Variants in UACA observed in about 807,000 individuals in gnomAD.
The protein encoded by UACA is nuclear membrane binding protein.
UACA carries 112 observed loss-of-function variants against 160.5 expected under a neutral mutation model. That is an observed-to-expected ratio of 0.70 (90% CI 0.60 to 0.82). UACA has a LOEUF of 0.82. UACA is among the 40% of genes least tolerant of loss of function. UACA has a pLI of 0.00. For synonymous variants in UACA, 557 were observed against 568.4 expected (o/e 0.98, Z 0.29); for missense variants, 1,574 against 1,614.6 (o/e 0.97, Z 0.43).
At chr15:70,706,285 T>A (rs189018294) in intron 1 of UACA, among the ~76,000 whole-genome samples, 141 of 151,976 alleles carry the variant, frequency 9.3e-4, no homozygotes, top group African/African-American at 3.3e-3. Context: ...CTCAACACAA[T>A]AAAGACCATA....
intron 1 of UACA, 99 bp downstream of exon 1, chr15:70,763,231 G>T: frequency 8.1e-7 from 1 of 1,234,098 alleles, no homozygotes. Flanking sequence ...CGAACTGGCA[G>T]AGGAAAAGCA....
At chr15:70,702,270 C>G in intron 1 of UACA, 1 of 1,046,190 alleles carries the variant, frequency 9.6e-7, no homozygotes, top group South Asian at 3.8e-5. Context: ...CTGCATCCTG[C>G]TGCCTCAACA....
At chr15:70,726,360 T>C (rs1188278560) in intron 1 of UACA, among the ~76,000 whole-genome samples, 1 of 152,158 alleles carries the variant, frequency 6.6e-6, no homozygotes, top group Admixed American at 6.5e-5. Context: ...AAGATGTATA[T>C]CTGAGCAGCA....
intron 15 of UACA, among the ~76,000 whole-genome samples, chr15:70,670,123 T>C (rs1211350361): frequency 6.6e-6 from 1 of 152,048 alleles, no homozygotes; most frequent in East Asian, 1.9e-4. Context: ...CTGGAGCTGG[T>C]GACAGCGGCT....
At chr15:70,704,488 ACTC>A (rs1898469114) in intron 1 of UACA, among the ~76,000 whole-genome samples, 2 of 152,082 alleles carry the variant, frequency 1.3e-5, no homozygotes, top group Admixed American at 6.6e-5. Context: ...AATCCACTGG[ACTC>A]CTCAAAAAGC....
At chr15:70,674,047 A>T (rs1897227553) in intron 13 of UACA, among the ~76,000 whole-genome samples, 1 of 152,110 alleles carries the variant, frequency 6.6e-6, no homozygotes, top group Admixed American at 6.5e-5. Context: ...TTTTTGGTAG[A>T]GACGGGATTT....
chr15:70,706,043 C>T (rs1453324601), intron 1 of UACA, among the ~76,000 whole-genome samples: 1 of 151,986 alleles, frequency 6.6e-6, no homozygotes, highest in Non-Finnish European at 1.5e-5. Context: ...GAGGGCAAAC[C>T]TAATCTAATA....
At chr15:70,721,413 C>T (rs974886813) in intron 1 of UACA, among the ~76,000 whole-genome samples, 14 of 152,148 alleles carry the variant, frequency 9.2e-5, no homozygotes, top group African/African-American at 3.4e-4. Context: ...ATCACAAGGT[C>T]AGGAGATCGA....
At position 70,674,849 on chromosome 15, in the gene UACA, T is replaced by C. The variant is rs182923005; in HGVS notation, c.1131+1644A>G. Among the ~76,000 whole-genome samples the C allele has an allele frequency of 5.6e-4, 85 of 152,320 alleles. 1 individual carries two copies. Among genetic ancestry groups the C allele is most frequent in the South Asian group, 3.5e-3 (17 of 4,826 alleles). ...CTGACCTTAAGTGATCCACCCACCTTGGCCTCCCAAAAGTGCGGGGATTAC... is the reference window on the plus strand; with the variant it reads ...CTGACCTTAAGTGATCCACCCACCTCGGCCTCCCAAAAGTGCGGGGATTAC... On this transcript the variant is annotated intron_variant, in intron 13 of 18. Transcript: ENST00000322954.
At chr15:70,680,465 G>T (rs2140929405) in intron 9 of UACA, among the ~76,000 whole-genome samples, 1 of 152,118 alleles carries the variant, frequency 6.6e-6, no homozygotes, top group Middle Eastern at 3.4e-3. Flanking sequence ...ACCTTTGCTT[G>T]ATCAAGTTTT....
At chr15:70,762,293 C>T (rs1404372977) in intron 1 of UACA, among the ~76,000 whole-genome samples, 3 of 152,122 alleles carry the variant, frequency 2.0e-5, no homozygotes, top group East Asian at 3.8e-4. Context: ...AATTAGTATT[C>T]TGATAAAAAG....
intron 1 of UACA, among the ~76,000 whole-genome samples, chr15:70,745,066 G>T (rs545623870): frequency 6.6e-6 from 1 of 152,192 alleles, no homozygotes; most frequent in East Asian, 1.9e-4. Context: ...TTTGACCTAG[G>T]AATACAACTT....
chr15:70,778,053 T>G, the UACA span, among the ~76,000 whole-genome samples: 1 of 151,974 alleles, frequency 6.6e-6, no homozygotes, highest in East Asian at 1.9e-4. Context: ...ACACAAAAAT[T>G]AGTCAGGCAT....
intron 1 of UACA, among the ~76,000 whole-genome samples, chr15:70,762,783 G>A (rs1392467930): frequency 2.6e-5 from 4 of 152,240 alleles, no homozygotes; most frequent in Non-Finnish European, 4.4e-5. Flanking sequence ...CAACGACAGC[G>A]GCCAGCACGG....
At chr15:70,752,964 T>A (rs1487744045) in intron 1 of UACA, among the ~76,000 whole-genome samples, 1 of 152,224 alleles carries the variant, frequency 6.6e-6, no homozygotes, top group East Asian at 1.9e-4. Flanking sequence ...AGTTACACTC[T>A]ACAATGAATA....
At chr15:70,722,012 A>G (rs749422170) in intron 1 of UACA, among the ~76,000 whole-genome samples, 2 of 152,224 alleles carry the variant, frequency 1.3e-5, no homozygotes, top group Non-Finnish European at 2.9e-5. Context: ...ATCTCTATTC[A>G]GTAAGTTCTC....
chr15:70,679,782 A>G lies in UACA; in HGVS notation c.823-106T>C, dbSNP rs540427146. The G allele has an allele frequency of 3.9e-5, 25 of 641,214 alleles. No homozygotes were observed. In the South Asian group the frequency reaches 4.5e-4, roughly 12 times the overall value. The allele number at this position is 641,214 out of a possible 1,614,324, so 39.7% of individuals were successfully genotyped here. A position where few individuals can be genotyped will look rare whatever the true frequency, so the allele number is the denominator to read the frequency against. On this transcript the variant is annotated intron_variant, in intron 9 of 18. Coordinates refer to ENST00000322954, the MANE Select transcript of UACA (RefSeq NM_018003.4). ...CAGTTAGTGATTTTCAGTTTATCCA[A>G]CATTAGCTGCACATAACACAAGGTG...
intron 1 of UACA, among the ~76,000 whole-genome samples, chr15:70,707,155 C>G (rs1898544583): frequency 6.6e-6 from 1 of 152,156 alleles, no homozygotes; most frequent in Admixed American, 6.5e-5. Context: ...AAATGATCTT[C>G]AACAAGGTGC....
chr15:70,659,583 G>C (rs1896628114), intron 18 of UACA, among the ~76,000 whole-genome samples: 1 of 151,186 alleles, frequency 6.6e-6, no homozygotes, highest in Non-Finnish European at 1.5e-5. Context: ...AGGAAATTAA[G>C]CATAGTATCC....
Sources: allele counts gnomAD v4.1 joint callset (sites outside exome capture counted in the v4.1 genomes callset), GRCh38; gene constraint gnomAD v4.1.1; transcripts MANE v1.5; gene names NCBI Gene and HGNC (gene_info 2026-07-23, HGNC 2026-07-21).